The following ERICH6B variants were observed in gnomAD, a reference collection of about 807,000 sequenced individuals.
ERICH6B encodes glutamate-rich protein 6B.
A neutral mutation model predicts 80.0 loss-of-function variants in ERICH6B; 69 were observed. The observed-to-expected ratio is 0.86, with a 90% CI of 0.71 to 1.05. The LOEUF (loss-of-function observed/expected upper bound fraction) is 1.05. ERICH6B is among the 50% of genes least tolerant of loss of function. The pLI, the probability that ERICH6B is intolerant of heterozygous loss-of-function variation, is 0.00. For synonymous variants in ERICH6B, 283 were observed against 291.9 expected (o/e 0.97, Z 0.31); for missense variants, 754 against 796.1 (o/e 0.95, Z 0.64).
chr13:45,595,503 GTA>G (rs528644808), intron 3 of ERICH6B, among the ~76,000 whole-genome samples: 1 of 151,822 alleles, frequency 6.6e-6, no homozygotes, highest in Non-Finnish European at 1.5e-5. Context: ...GTGTGTATGT[GTA>G]TATATATGTG....
chr13:45,591,385 A>G (rs1423040233), intron 3 of ERICH6B, among the ~76,000 whole-genome samples: 1 of 152,234 alleles, frequency 6.6e-6, no homozygotes, highest in African/African-American at 2.4e-5. Context: ...TCACAAGGTC[A>G]GGAGATCGAG....
intron 9 of ERICH6B, among the ~76,000 whole-genome samples, chr13:45,564,995 A>G (rs1874854084): frequency 1.3e-5 from 2 of 152,240 alleles, no homozygotes; most frequent in South Asian, 4.1e-4. Flanking sequence ...TAGAGCCTAA[A>G]TTAGCACATA....
In ERICH6B at chr13:45,564,334, T is replaced by C. The variant is rs1347609179; in HGVS notation, c.1188-546A>G. 1.2e-4 allele frequency among the ~76,000 whole-genome samples: 18 copies of C among 152,356 alleles called. No individual in the cohort carries two copies. The East Asian group carries it at 3.1e-3, about 26-fold the overall frequency. ...ACACAGAGTGAGTCATCCTGGCGTT[T>C]CAGTGGTGTGGACTGTTTTCCTTCC... On this transcript the variant is annotated intron_variant, in intron 9 of 14. Transcript: ENST00000298738.
At chr13:45,543,648 A>G (rs1216357614) in intron 14 of ERICH6B, among the ~76,000 whole-genome samples, 2 of 152,240 alleles carry the variant, frequency 1.3e-5, no homozygotes, top group Non-Finnish European at 2.9e-5. Context: ...TGGTGGCCCC[A>G]TGGACACCTT....
chr13:45,586,175 C>T (rs1875891998), intron 5 of ERICH6B, among the ~76,000 whole-genome samples: 1 of 152,136 alleles, frequency 6.6e-6, no homozygotes, highest in Admixed American at 6.5e-5. Context: ...GTGAAACACT[C>T]CTCAGCACAT....
intron 7 of ERICH6B, among the ~76,000 whole-genome samples, chr13:45,577,276 C>CTTTTTTTTTTTTTTTT (rs34244794): frequency 1.0e-4 from 9 of 86,088 alleles, no homozygotes; most frequent in African/African-American, 2.1e-4. Context: ...AAAAACAAAT[C>CTTTTTTTTTTTTTTTT]TTTTTTTTTT....
At chr13:45,611,101 C>T (rs1417596690) in intron 1 of ERICH6B, among the ~76,000 whole-genome samples, 1 of 152,066 alleles carries the variant, frequency 6.6e-6, no homozygotes, top group Non-Finnish European at 1.5e-5. Context: ...GTCCCCTACC[C>T]CTAACTTTTC....
intron 2 of ERICH6B, among the ~76,000 whole-genome samples, chr13:45,604,704 AC>A (rs1949847263): frequency 7.8e-5 from 11 of 140,778 alleles, no homozygotes; most frequent in African/African-American, 3.6e-4. Flanking sequence ...AAACAAACAA[AC>A]AAACAAACAA....
At position 45,587,140 on chromosome 13, in the gene ERICH6B, T is replaced by A. The variant is rs187723842; in HGVS notation, c.779A>T (p.Glu260Val). The A allele has an allele frequency of 6.4e-7, 1 of 1,551,608 alleles. No homozygotes were observed. The highest frequency in any genetic ancestry group is 8.7e-7 in the Non-Finnish European group (1 of 1,146,976). The change falls in exon 5 of 15, where the codon GAG becomes GTG. Residue 260 changes from glutamate to valine, a missense_variant. Glu to Val is a moderately radical substitution (Grantham distance 121). Coordinates refer to ENST00000298738, the MANE Select transcript of ERICH6B (RefSeq NM_182542.3). ...TPSPVSESAT[E>V]SSELLLTLYR... is the part of the protein sequence containing the mutation. ...CAATGTCAGAAGCAACTCAGAAGAC[T>A]CTGTGGCAGATTCAGAGACAGGAGA...
At chr13:45,585,968 C>T (rs1330092875) in intron 5 of ERICH6B, among the ~76,000 whole-genome samples, 2 of 152,212 alleles carry the variant, frequency 1.3e-5, no homozygotes, top group Admixed American at 6.5e-5. Context: ...TCCTCTCCCA[C>T]ATCCTCTCAA....
intron 3 of ERICH6B, among the ~76,000 whole-genome samples, chr13:45,594,290 C>T (rs147816013): frequency 2.0e-5 from 3 of 152,268 alleles, no homozygotes; most frequent in East Asian, 1.9e-4. Flanking sequence ...TTTTTCAGTG[C>T]CTCTCCAATT....
chr13:45,545,898 G>T (rs1216211960), intron 13 of ERICH6B, among the ~76,000 whole-genome samples: 1 of 152,212 alleles, frequency 6.6e-6, no homozygotes, highest in African/African-American at 2.4e-5. Flanking sequence ...CTCCACGTGA[G>T]TTACATATTA....
At chr13:45,600,388 G>A (rs572899997) in intron 2 of ERICH6B, among the ~76,000 whole-genome samples, 1 of 152,052 alleles carries the variant, frequency 6.6e-6, no homozygotes, top group Non-Finnish European at 1.5e-5. Flanking sequence ...AAATTTATGG[G>A]GTACCAGTGT....
At chr13:45,593,849 C>T (rs1389461161) in intron 3 of ERICH6B, among the ~76,000 whole-genome samples, 1 of 152,210 alleles carries the variant, frequency 6.6e-6, no homozygotes, top group Admixed American at 6.5e-5. Context: ...CCACTACTAA[C>T]CTCAAGTAGT....
chr13:45,583,663 C>T (rs945980138), intron 5 of ERICH6B, among the ~76,000 whole-genome samples: 7 of 152,072 alleles, frequency 4.6e-5, no homozygotes, highest in African/African-American at 1.7e-4. Context: ...GGGGCGGTTT[C>T]CCCCATACTG....
chr13:45,549,969 T>C lies in ERICH6B; in HGVS notation c.1570A>G (p.Ser524Gly). 1 of 1,551,804 alleles carries C rather than the reference T, an allele frequency of 6.4e-7. No homozygotes were observed. Among genetic ancestry groups the C allele is most frequent in the Non-Finnish European group, 8.7e-7 (1 of 1,146,992 alleles). Residue 524 changes from serine (S) to glycine (G), a missense_variant, in exon 13 of 15, where the codon AGT becomes GGT. Coordinates refer to ENST00000298738, the MANE Select transcript of ERICH6B (RefSeq NM_182542.3). ...AGGGCCCGGATCCTCCCTTCTAGACTGTCTTCCAGAATGATGTATGTGAAC... is the reference window on the plus strand; with the variant it reads ...AGGGCCCGGATCCTCCCTTCTAGACCGTCTTCCAGAATGATGTATGTGAAC... ...KKFTYIILED[S>G]LEGRIRALIN...
intron 13 of ERICH6B, among the ~76,000 whole-genome samples, chr13:45,546,905 T>A (rs756775128): frequency 6.6e-6 from 1 of 152,220 alleles, no homozygotes; most frequent in Non-Finnish European, 1.5e-5. Flanking sequence ...CCACTTTCCA[T>A]TGAACAAAGA....
intron 14 of ERICH6B, among the ~76,000 whole-genome samples, chr13:45,544,098 G>T (rs1873893776): frequency 6.6e-6 from 1 of 152,140 alleles, no homozygotes; most frequent in Non-Finnish European, 1.5e-5. Context: ...TTGAGATAGG[G>T]TCTGGCTCTG....
At chr13:45,569,788 G>A (rs1875075594) in intron 8 of ERICH6B, among the ~76,000 whole-genome samples, 1 of 152,148 alleles carries the variant, frequency 6.6e-6, no homozygotes, top group Non-Finnish European at 1.5e-5. Context: ...GGTGCTTTAG[G>A]TCCGACTTGC....
Sources: allele counts gnomAD v4.1 joint callset (sites outside exome capture counted in the v4.1 genomes callset), GRCh38; gene constraint gnomAD v4.1.1; transcripts MANE v1.5; gene names NCBI Gene and HGNC (gene_info 2026-07-23, HGNC 2026-07-21).